Variants in MAP3K6 observed in about 807,000 individuals in gnomAD.
MAP3K6 encodes the protein apoptosis signal-regulating kinase 2.
Under a neutral mutation model 147.1 loss-of-function variants are expected in MAP3K6, and 105 were observed. The ratio of observed to expected loss-of-function variants is 0.71; its 90% CI spans 0.61 to 0.84. MAP3K6 has a LOEUF of 0.84. Among genes scored for constraint, MAP3K6 ranks in the 40% least tolerant of loss-of-function variants. The pLI is 0.00. For missense variants in MAP3K6, 1,569 were observed against 1,715.0 expected, an observed-to-expected ratio of 0.91 and a Z score of 1.50; for synonymous variants, 695 against 732.4, an observed-to-expected ratio of 0.95 and a Z score of 0.82.
chr1:27,355,829 T>A, intron 27 of MAP3K6, 84 bp from the exon 28 acceptor site: 2 of 1,361,598 alleles, frequency 1.5e-6, no homozygotes, highest in Non-Finnish European at 2.1e-6. Context: ...AGCTCTGCTC[T>A]GTTGCCAAAA....
Position 27,361,141 on chromosome 1 carries a change from A to G in MAP3K6, c.1832+16T>C, listed in dbSNP as rs1488618420. On this transcript the variant is annotated intron_variant, in intron 13 of 28. Coordinates refer to ENST00000357582, the MANE Select transcript of MAP3K6 (RefSeq NM_004672.5). ...TCCTGGCCCTCAGAGTACCCCGACC[A>G]TGAAAGGCTGCGCACCACTGGCAGT... 3.8e-6 allele frequency: 6 copies of G among 1,597,200 alleles called. No individual in the cohort carries two copies. Among genetic ancestry groups the G allele is most frequent in the Non-Finnish European group, 5.1e-6 (6 of 1,172,816 alleles).
At position 27,362,224 on chromosome 1, in the gene MAP3K6, G is replaced by A. The variant is rs776216751; in HGVS notation, c.1282C>T (p.Arg428Cys). Residue 428 changes from arginine (R) to cysteine (C), a missense_variant, in exon 9 of 29, where the codon CGC (arginine) becomes TGC (cysteine). Transcript: ENST00000357582. ...TGCATCTTCTCCACGCAGCCTTTGC[G>A]GGCCAGCAGGCAGCCCAGCTTCATG... is the stretch of plus-strand genomic sequence containing the variant. ...IGMKLGCLLARKGCVEKMQYY... is the reference protein window; with the variant it reads ...IGMKLGCLLACKGCVEKMQYY... 4.4e-5 allele frequency: 71 copies of A among 1,612,594 alleles called. No homozygotes were observed. Among genetic ancestry groups the A allele is most frequent in the Non-Finnish European group, 5.3e-5 (63 of 1,179,590 alleles).
rs751487254 is a variant in MAP3K6, at chr1:27,358,645, G to T, written c.2584-34C>A. 7 of 1,613,514 alleles carry T rather than the reference G, an allele frequency of 4.3e-6. No homozygotes were observed. In the Admixed American group the frequency reaches 1.0e-4, roughly 23 times the overall value. On this transcript the variant is annotated intron_variant, in intron 19 of 28. Transcript: ENST00000357582. This position sits in a 1 kb window ranked among gnomAD's most constrained non-coding sequence, Gnocchi z 6.2. ...GGAGGGTGAACAAGGGTGACATTCA[G>T]AGGTGTCCAAGGCCCAGGCTGGCCC...
At chr1:27,361,055 C>A in intron 13 of MAP3K6, 47 bp from the exon 14 acceptor site, 2 of 1,536,080 alleles carry the variant, frequency 1.3e-6, no homozygotes, top group East Asian at 2.4e-5. Flanking sequence ...TCTTGGTCCC[C>A]ACCTAAGCCG....
rs1282237347 is a variant in MAP3K6 at position 27,359,835 on chromosome 1, G to A, written c.2319+23C>T. On this transcript the variant is annotated intron_variant, in intron 17 of 28. Coordinates refer to ENST00000357582, the MANE Select transcript of MAP3K6 (RefSeq NM_004672.5). The surrounding 1 kb of genome is among the most constrained non-coding windows in gnomAD (Gnocchi z 4.4). ...TTCCCCGCCACCCTCAGCAGATGAG[G>A]GCGGGCCAGCCCCAGGGCTTACTTT... The A allele has an allele frequency of 1.2e-6, 2 of 1,613,858 alleles. No individual in the cohort carries two copies. Among genetic ancestry groups the A allele is most frequent in the South Asian group, 1.1e-5 (1 of 91,066 alleles).
chr1:27,365,904 C>T (rs2015960304), intron 1 of MAP3K6, among the ~76,000 whole-genome samples: 1 of 151,824 alleles, frequency 6.6e-6, no homozygotes, highest in African/African-American at 2.4e-5. Context: ...CAACCCCACC[C>T]CTGAGACACC....
intron 1 of MAP3K6, among the ~76,000 whole-genome samples, chr1:27,365,326 A>T (rs1557569470): frequency 6.6e-6 from 1 of 152,178 alleles, no homozygotes; most frequent in Non-Finnish European, 1.5e-5. Context: ...AAATGTATGT[A>T]TGTGTATATC....
rs2015800769 is a variant in MAP3K6 at position 27,362,176 on chromosome 1, A to G, written c.1330T>C (p.Tyr444His). 6.2e-7 allele frequency: 1 copy of G among 1,613,668 alleles called. No individual in the cohort carries two copies. The highest frequency in any genetic ancestry group is 8.5e-7 in the Non-Finnish European group (1 of 1,179,990). ...KMQYYWDVGFYLGAQILANDP... is the reference protein window; with the variant it reads ...KMQYYWDVGFHLGAQILANDP... ...TTGGCGAGGATCTGGGCTCCCAGGT[A>G]GAAACCCACATCCCAGTAATACTGC... Residue 444 changes from tyrosine (Y) to histidine (H), a missense_variant, in exon 9 of 29, where the codon TAC (tyrosine) becomes CAC (histidine). Transcript: ENST00000357582.
At chr1:27,356,254 A>G (rs2015516507) in intron 26 of MAP3K6, 134 bp downstream of exon 26, 1 of 1,096,122 alleles carries the variant, frequency 9.1e-7, no homozygotes, top group Admixed American at 2.2e-5. Flanking sequence ...AGCTGCCTCG[A>G]ACCCACCAAT....
chr1:27,356,581 G>C lies in MAP3K6; in HGVS notation c.3524+9C>G. On this transcript the variant is annotated intron_variant, in intron 25 of 28. Transcript: ENST00000357582. The stretch of plus-strand genomic sequence containing the variant: ...GGCAGAGGCTATGAGCGATTCCAAG[G>C]GGCTTTACCGATCAGTCTCTGCCCT... The C allele has an allele frequency of 1.2e-6, 2 of 1,612,362 alleles. No individual in the cohort carries two copies. Among genetic ancestry groups the C allele is most frequent in the Non-Finnish European group, 1.7e-6 (2 of 1,179,000 alleles).
intron 1 of MAP3K6, among the ~76,000 whole-genome samples, chr1:27,365,965 C>T (rs2015964051): frequency 6.6e-6 from 1 of 151,354 alleles, no homozygotes; most frequent in Non-Finnish European, 1.5e-5. Flanking sequence ...AGCCCCTCCC[C>T]ATCCTTGCCC....
At chr1:27,363,666 C>T (rs1166645068) in intron 5 of MAP3K6, 118 bp from the exon 6 acceptor site, 4 of 863,972 alleles carry the variant, frequency 4.6e-6, no homozygotes, top group Admixed American at 2.8e-5. Flanking sequence ...GCACGCCTCC[C>T]TCAGGCCCAG....
In MAP3K6 at chr1:27,364,754, C is replaced by T. The variant is rs764127232; in HGVS notation, c.480+19G>A. ...TACCCCAGCCCTGTGCCTGCCTCCA[C>T]CAGCCCCAGGCCACCTACCCGCAGG... On this transcript the variant is annotated intron_variant, in intron 2 of 28. Coordinates refer to ENST00000357582, the MANE Select transcript of MAP3K6 (RefSeq NM_004672.5). The surrounding 1 kb of genome is among the most constrained non-coding windows in gnomAD (Gnocchi z 4.4). 1 of 1,613,740 alleles carries T rather than the reference C, an allele frequency of 6.2e-7. No individual in the cohort carries two copies. Among genetic ancestry groups the T allele is most frequent in the African/African-American group, 1.3e-5 (1 of 74,916 alleles).
intron 8 of MAP3K6, 65 bp from the exon 9 acceptor site, chr1:27,362,315 T>C (rs1557564417): frequency 5.4e-6 from 8 of 1,493,928 alleles, no homozygotes; most frequent in Non-Finnish European, 6.4e-6. Flanking sequence ...CCACCATTTC[T>C]GTGGGCCCGA....
At chr1:27,361,939 G>A (rs2015791080) in intron 9 of MAP3K6, 72 bp from the exon 10 acceptor site, 1 of 1,495,352 alleles carries the variant, frequency 6.7e-7, no homozygotes. Flanking sequence ...AAACTGGCCT[G>A]GATATAGCTA....
At position 27,366,295 on chromosome 1, in the gene MAP3K6, T is replaced by G; in HGVS notation, c.303A>C (p.Leu101=). 7.5e-7 allele frequency: 1 copy of G among 1,333,078 alleles called. No individual in the cohort carries two copies. Among genetic ancestry groups the G allele is most frequent in the African/African-American group, 1.5e-5 (1 of 65,352 alleles). The allele number at this position is 1,333,078 out of a possible 1,614,324, so 82.6% of individuals were successfully genotyped here. A position where few individuals can be genotyped will look rare whatever the true frequency, so the allele number is the denominator to read the frequency against. The change falls in exon 1 of 29, where the codon CTA becomes CTC. Residue 101 remains leucine (L), a synonymous_variant. Transcript: ENST00000357582. This position sits in a 1 kb window ranked among gnomAD's most constrained non-coding sequence, Gnocchi z 5.5. ...AGGCATCCAGAGCCGCGGTGTCGCC[T>G]AGCTCCAGCGTCCCGAAGGGCAGGC... ...LRSLPFGTLE[L]GDTAALDAFY... is the part of the protein sequence containing the mutation.
rs750772242 is a variant in MAP3K6, at chr1:27,360,196, T to C, written c.2182+45A>G. 24 of 1,609,076 alleles carry C rather than the reference T, an allele frequency of 1.5e-5. No homozygotes were observed. Among genetic ancestry groups the C allele is most frequent in the Admixed American group, 1.2e-4 (7 of 59,782 alleles). ...TCTACCCCTGCCTGCCTCGGTCCCA[T>C]GCTTCACACCTCGGTTTCATTCCCA... On this transcript the variant is annotated intron_variant, in intron 16 of 28. Coordinates refer to ENST00000357582, the MANE Select transcript of MAP3K6 (RefSeq NM_004672.5). The surrounding 1 kb of genome is among the most constrained non-coding windows in gnomAD (Gnocchi z 4.5).
intron 26 of MAP3K6, 102 bp downstream of exon 26, chr1:27,356,286 G>T: frequency 2.5e-6 from 3 of 1,205,544 alleles, no homozygotes. Context: ...GCCAAGGCCC[G>T]CTCAGGTGAT....
At chr1:27,355,987 C>A in intron 27 of MAP3K6, 39 bp downstream of exon 27, 1 of 1,588,800 alleles carries the variant, frequency 6.3e-7, no homozygotes, top group Non-Finnish European at 8.6e-7. Context: ...GAGGCTTTGG[C>A]TGGTGAGGTC....
Sources: gnomAD v4.1 joint callset for allele counts (sites outside exome capture counted in the v4.1 genomes callset) on GRCh38, gnomAD v4.1.1 for gene constraint, Gnocchi (gnomAD v3.1) non-coding constraint, MANE v1.5 for transcripts, NCBI Gene and HGNC (gene_info 2026-07-23, HGNC 2026-07-21) for gene names.